Variants in METTL8 observed in about 807,000 individuals in gnomAD.
METTL8 encodes methyltransferase 8, tRNA N3-cytidine.
METTL8 carries 32 observed loss-of-function variants against 48.7 expected under a neutral mutation model. The observed-to-expected ratio is 0.66, with a 90% CI of 0.50 to 0.88. The LOEUF is 0.88. Among genes scored for constraint, METTL8 ranks in the 40% least tolerant of loss-of-function variants. The probability of loss-of-function intolerance (pLI) is 0.00; values close to 1 mark genes in which losing one functional copy is unlikely to be tolerated. For missense variants in METTL8, 464 were observed against 474.4 expected (o/e 0.98, Z 0.20); for synonymous variants, 136 against 157.1 (o/e 0.87, Z 1.01).
chr2:171,327,408 C>A (rs914560595), intron 7 of METTL8, among the ~76,000 whole-genome samples: 2 of 152,198 alleles, frequency 1.3e-5, no homozygotes, highest in Non-Finnish European at 2.9e-5. Context: ...AGTACAAAAT[C>A]GATTATCAAT....
intron 9 of METTL8, among the ~76,000 whole-genome samples, chr2:171,325,112 A>C (rs1575705811): frequency 8.0e-6 from 1 of 125,524 alleles, no homozygotes; most frequent in Non-Finnish European, 1.7e-5. Flanking sequence ...ACAGAGTGAG[A>C]CTCTGTCTCA....
At chr2:171,402,943 C>T (rs540113706) in intron 1 of METTL8, among the ~76,000 whole-genome samples, 4 of 152,010 alleles carry the variant, frequency 2.6e-5, no homozygotes, top group African/African-American at 9.6e-5. Flanking sequence ...CTCTGAGCAA[C>T]AAAATAAAAA....
rs138400462 is a variant in METTL8 at position 171,381,218 on chromosome 2, A to T, written c.143+10825T>A. On this transcript the variant is annotated intron_variant, in intron 2 of 9. Coordinates refer to ENST00000375258, the MANE Select transcript of METTL8 (RefSeq NM_001321154.2). ...GGCTAGCCATATGCAGAAAACTGAA[A>T]CCGGACTCCTTCCTTAGACCTTATT... Among the ~76,000 whole-genome samples, 258 of 152,324 alleles carry T rather than the reference A, an allele frequency of 1.7e-3. 1 individual carries two copies. The Middle Eastern group carries it at 0.027, about 16-fold the overall frequency.
chr2:171,354,487 T>C (rs942199194), intron 3 of METTL8, among the ~76,000 whole-genome samples: 5 of 152,222 alleles, frequency 3.3e-5, no homozygotes, highest in African/African-American at 7.2e-5. Flanking sequence ...CTGTATTTCC[T>C]GAATTTGAAT....
At chr2:171,386,804 C>T (rs1028313889) in intron 2 of METTL8, among the ~76,000 whole-genome samples, 4 of 152,142 alleles carry the variant, frequency 2.6e-5, no homozygotes, top group African/African-American at 9.7e-5. Flanking sequence ...TGGCCTGCCA[C>T]GCCCCGATCC....
chr2:171,388,575 T>C (rs761285752), intron 2 of METTL8, among the ~76,000 whole-genome samples: 8 of 152,210 alleles, frequency 5.3e-5, no homozygotes, highest in Non-Finnish European at 1.2e-4. Flanking sequence ...AAGCATTAAT[T>C]CAACAATATT....
chr2:171,403,117 C>T (rs1276721694), intron 1 of METTL8, among the ~76,000 whole-genome samples: 1 of 152,074 alleles, frequency 6.6e-6, no homozygotes, highest in Non-Finnish European at 1.5e-5. Flanking sequence ...GGAAGTGGAA[C>T]ATAACTCCTC....
chr2:171,359,788 A>AT (rs1434934634), intron 3 of METTL8, among the ~76,000 whole-genome samples: 1 of 151,908 alleles, frequency 6.6e-6, no homozygotes, highest in Non-Finnish European at 1.5e-5. Context: ...AATTTTTGTT[A>AT]TTTTTAGTAG....
At chr2:171,431,726 G>T (rs1204679246) in intron 1 of METTL8, among the ~76,000 whole-genome samples, 4 of 152,284 alleles carry the variant, frequency 2.6e-5, no homozygotes, top group Admixed American at 2.0e-4. Flanking sequence ...GAAGCAGGGC[G>T]GGGGGCCAGG....
Position 171,339,459 on chromosome 2 carries a change from A to G in METTL8, c.331T>C (p.Phe111Leu). 6.2e-7 allele frequency: 1 copy of G among 1,613,648 alleles called. No homozygotes were observed. The highest frequency in any genetic ancestry group is 8.5e-7 in the Non-Finnish European group (1 of 1,179,740). ...FKDRNWLLRE[F>L]PEILPVDQKP... ...TGATCAACTGGAAGAATTTCAGGAAATTCCCTCAACAGCCAATTACGATCC... is the reference window on the plus strand; with the variant it reads ...TGATCAACTGGAAGAATTTCAGGAAGTTCCCTCAACAGCCAATTACGATCC... Residue 111 changes from phenylalanine (F) to leucine (L), a missense_variant, in exon 4 of 10, where the codon TTT (phenylalanine) becomes CTT (leucine). Phe to Leu is a conservative substitution (Grantham distance 22). Coordinates refer to ENST00000375258, the MANE Select transcript of METTL8 (RefSeq NM_001321154.2).
At chr2:171,375,345 A>C (rs1421780965) in intron 2 of METTL8, 1 of 668,814 alleles carries the variant, frequency 1.5e-6, no homozygotes, top group East Asian at 2.7e-5. Context: ...TCGTTAGCAT[A>C]GTGGTGAGTA....
intron 1 of METTL8, among the ~76,000 whole-genome samples, chr2:171,429,857 T>C (rs1319776615): frequency 1.3e-5 from 2 of 151,930 alleles, no homozygotes; most frequent in East Asian, 3.9e-4. Flanking sequence ...CTGACCAATA[T>C]GATGAAACCC....
At chr2:171,352,755 T>C (rs915484187) in intron 3 of METTL8, among the ~76,000 whole-genome samples, 35 of 152,238 alleles carry the variant, frequency 2.3e-4, no homozygotes, top group African/African-American at 7.7e-4. Context: ...TTTATTTGCA[T>C]AGAGGTGTTT....
chr2:171,370,363 T>G (rs572642731), intron 2 of METTL8, among the ~76,000 whole-genome samples: 3 of 152,352 alleles, frequency 2.0e-5, no homozygotes, highest in African/African-American at 7.2e-5. Flanking sequence ...ACATTGTTCA[T>G]TTATCAATTA....
At chr2:171,352,752 G>A (rs556756554) in intron 3 of METTL8, among the ~76,000 whole-genome samples, 20 of 152,208 alleles carry the variant, frequency 1.3e-4, no homozygotes. Flanking sequence ...TAGTTTATTT[G>A]CATAGAGGTG....
rs1684660567 is a variant in METTL8, at chr2:171,323,740, A to T, written c.*432T>A. On this transcript the variant is annotated 3_prime_UTR_variant, in exon 10 of 10. Transcript: ENST00000375258. ...CTTGTTGTAGCTTTCCCTGGAAATA[A>T]GGTGTGCTTTCTCTCTGCAATCAGA... The T allele has an allele frequency of 6.5e-6, 1 of 153,396 alleles. No homozygotes were observed. Among genetic ancestry groups the T allele is most frequent in the Non-Finnish European group, 1.5e-5 (1 of 68,926 alleles). 9.5% of individuals were successfully genotyped at this position (153,396 alleles called of 1,614,324 possible).
rs562543909 is a variant in METTL8, at chr2:171,347,705, T to G, written c.236-8151A>C. Among the ~76,000 whole-genome samples the G allele has an allele frequency of 5.9e-5, 9 of 152,338 alleles. No individual in the cohort carries two copies. The East Asian group carries it at 1.7e-3, about 29-fold the overall frequency. ...TTGAGTAATGTGGAAAATATGTCTG[T>G]GCAGCTGCTGGCAAAGAAGCACAGT... On this transcript the variant is annotated intron_variant, in intron 3 of 9. Coordinates refer to ENST00000375258, the MANE Select transcript of METTL8 (RefSeq NM_001321154.2).
intron 3 of METTL8, among the ~76,000 whole-genome samples, chr2:171,350,285 C>T (rs1683758500): frequency 1.3e-5 from 2 of 152,216 alleles, no homozygotes; most frequent in African/African-American, 4.8e-5. Context: ...CTACAAAGGA[C>T]ATGAACTCAT....
Position 171,356,952 on chromosome 2 carries a change from A to ATGTTTTTTTTTTTTTTTTTTTTTTTT in METTL8, c.235+3469_235+3470insAAAAAAAAAAAAAAAAAAAAAAAACA. 1.0e-4 allele frequency among the ~76,000 whole-genome samples: 8 copies of ATGTTTTTTTTTTTTTTTTTTTTTTTT among 78,468 alleles called. 3 individuals carry two copies. The highest frequency in any genetic ancestry group is 1.8e-4 in the African/African-American group (4 of 22,448). The allele number at this position is 78,468 out of a possible 152,430, so 51.5% of individuals were successfully genotyped here. Reference sequence around the variant, plus strand: ...CAAATTAGCCTTGTTCAAAGACAATATTTTTTTTTTTTTTTTTGAGACAGG... The same window carrying ATGTTTTTTTTTTTTTTTTTTTTTTTT: ...CAAATTAGCCTTGTTCAAAGACAATATGTTTTTTTTTTTTTTTTTTTTTTTTTTTTTTTTTTTTTTTTTGAGACAGG... On this transcript the variant is annotated intron_variant, in intron 3 of 9. Transcript: ENST00000375258.
Sources: allele counts gnomAD v4.1 joint callset (sites outside exome capture counted in the v4.1 genomes callset), GRCh38; gene constraint gnomAD v4.1.1; transcripts MANE v1.5; gene names NCBI Gene and HGNC (gene_info 2026-07-23, HGNC 2026-07-21).